SMAD1: variants seen among roughly 807,000 people sequenced by gnomAD.
SMAD1 encodes the protein SMAD family member 1, also known as MAD, mothers against decapentaplegic homolog 1.
In SMAD1, 6 loss-of-function variants were observed where a neutral mutation model predicts 41.6. The observed-to-expected ratio is 0.14, with a 90% CI of 0.08 to 0.28. SMAD1 has a LOEUF of 0.28. Among genes scored for constraint, SMAD1 ranks in the 10% least tolerant of loss-of-function variants. SMAD1 has a pLI of 1.00. For missense variants in SMAD1, 379 were observed against 582.6 expected, an observed-to-expected ratio of 0.65 and a Z score of 3.60; for synonymous variants, 206 against 203.2, an observed-to-expected ratio of 1.01 and a Z score of -0.12.
chr4:145,483,020 A>T (rs968898618), intron 1 of SMAD1: 3 of 152,054 alleles, frequency 2.0e-5, no homozygotes, highest in African/African-American at 7.3e-5. Context: ...GGAGGAACAA[A>T]TGCCTGCCAG....
At chr4:145,488,505 G>A (rs964515155) in intron 1 of SMAD1, among the ~76,000 whole-genome samples, 1 of 130,968 alleles carries the variant, frequency 7.6e-6, no homozygotes, top group Non-Finnish European at 1.7e-5. Flanking sequence ...TGTGTGTGTG[G>A]TTTCTTTGTG....
chr4:145,528,253 G>A (rs1175090417), intron 2 of SMAD1, among the ~76,000 whole-genome samples: 2 of 151,900 alleles, frequency 1.3e-5, no homozygotes, highest in Admixed American at 6.6e-5. Context: ...ACAGGCGCCC[G>A]CCACTACACC....
At chr4:145,555,542 CT>C (rs1456766292) in intron 6 of SMAD1, among the ~76,000 whole-genome samples, 1 of 152,106 alleles carries the variant, frequency 6.6e-6, no homozygotes, top group Admixed American at 6.6e-5. Flanking sequence ...AAGGACCACT[CT>C]AAGAGAATTT....
Position 145,509,885 on chromosome 4 carries a change from G to A in SMAD1, c.-176-4553G>A, listed in dbSNP as rs181387133. Among the ~76,000 whole-genome samples, 285 of 152,288 alleles carry A rather than the reference G, an allele frequency of 1.9e-3. 8 individuals are homozygous for A. The highest frequency in any genetic ancestry group is 0.018 in the Admixed American group (282 of 15,296). On this transcript the variant is annotated intron_variant, in intron 1 of 6. Transcript: ENST00000302085. ...ACCCTGTGGCCTCCCAAATAGAGTT[G>A]ACGCTCCGTATTTGGCTTTCTAAGT...
At chr4:145,489,602 GTTAC>G (rs1560720740) in intron 1 of SMAD1, among the ~76,000 whole-genome samples, 1 of 152,198 alleles carries the variant, frequency 6.6e-6, no homozygotes, top group Non-Finnish European at 1.5e-5. Context: ...TAATAAAGAT[GTTAC>G]TTAAGAATAG....
At chr4:145,497,452 A>G (rs1277350399) in intron 1 of SMAD1, 1 of 152,162 alleles carries the variant, frequency 6.6e-6, no homozygotes. Context: ...CTTCATAACC[A>G]TAAGCTTGAT....
At chr4:145,496,265 A>G (rs1400929267) in intron 1 of SMAD1, among the ~76,000 whole-genome samples, 2 of 152,194 alleles carry the variant, frequency 1.3e-5, no homozygotes, top group African/African-American at 2.4e-5. Context: ...TGCCTTATGC[A>G]TCAAACCAAG....
intron 2 of SMAD1, among the ~76,000 whole-genome samples, chr4:145,528,691 A>C (rs990521634): frequency 1.3e-5 from 2 of 152,244 alleles, no homozygotes; most frequent in South Asian, 2.1e-4. Context: ...AATCATTTAC[A>C]TATCAATCGT....
Position 145,535,805 on chromosome 4 carries a change from T to C in SMAD1, c.401-3999T>C, listed in dbSNP as rs551499017. On this transcript the variant is annotated intron_variant, in intron 2 of 6. Transcript: ENST00000302085. ...GCTTTTTAAATACACACAATAAGAA[T>C]GAGAGAGGGGAACTCCTAAAACTAA... Among the ~76,000 whole-genome samples, 9 of 152,080 alleles carry C rather than the reference T, an allele frequency of 5.9e-5. No individual in the cohort carries two copies. In the South Asian group the frequency reaches 1.9e-3, roughly 32 times the overall value.
intron 2 of SMAD1, among the ~76,000 whole-genome samples, chr4:145,516,457 C>T (rs1730395005): frequency 6.6e-6 from 1 of 152,116 alleles, no homozygotes; most frequent in Non-Finnish European, 1.5e-5. Context: ...TTATTTAGTG[C>T]ACTTTTAAGT....
chr4:145,533,957 T>A (rs548129188), intron 2 of SMAD1, among the ~76,000 whole-genome samples: 2 of 152,318 alleles, frequency 1.3e-5, no homozygotes, highest in South Asian at 4.1e-4. Flanking sequence ...TGACTGTTTT[T>A]GGAGATAGGG....
chr4:145,515,164 G>GTC lies in SMAD1; in HGVS notation c.400+152_400+153insCT, dbSNP rs1730308679. 1.7e-5 allele frequency: 12 copies of GTC among 724,914 alleles called. No individual in the cohort carries two copies. In the Admixed American group the frequency reaches 2.2e-4, roughly 14 times the overall value. The allele number at this position is 724,914 out of a possible 1,614,324, so 44.9% of individuals were successfully genotyped here. Reference sequence around the variant, plus strand: ...TGTGTGTGTGTGTGTGTGTGTGTGTGTGTGTGTGTGTGTCTGTGTGAATGC... The same window carrying GTC: ...TGTGTGTGTGTGTGTGTGTGTGTGTGTCTGTGTGTGTGTGTCTGTGTGAATGC... On this transcript the variant is annotated intron_variant, in intron 2 of 6. Transcript: ENST00000302085.
intron 5 of SMAD1, among the ~76,000 whole-genome samples, chr4:145,548,591 T>C (rs752200011): frequency 6.6e-6 from 1 of 152,148 alleles, no homozygotes; most frequent in Non-Finnish European, 1.5e-5. Flanking sequence ...TCCATACTCA[T>C]AATAAATAGA....
intron 5 of SMAD1, among the ~76,000 whole-genome samples, chr4:145,547,955 T>C (rs1732340151): frequency 6.6e-6 from 1 of 152,148 alleles, no homozygotes; most frequent in Non-Finnish European, 1.5e-5. Flanking sequence ...ACATCTAGTG[T>C]TCAGATCATC....
At chr4:145,544,985 CT>C (rs1212754141) in intron 4 of SMAD1, 2 of 151,438 alleles carry the variant, frequency 1.3e-5, no homozygotes, top group Admixed American at 1.3e-4. Context: ...TTTTTTTTTC[CT>C]TTATAGTTTA....
intron 4 of SMAD1, chr4:145,544,817 T>C (rs1174768432): frequency 6.6e-6 from 1 of 152,208 alleles, no homozygotes; most frequent in African/African-American, 2.4e-5. Context: ...CTGTGGAATT[T>C]ATATTTGGGG....
In SMAD1 at chr4:145,486,709, G is replaced by C. The variant is rs553430897; in HGVS notation, c.-177+4671G>C. Among the ~76,000 whole-genome samples the C allele has an allele frequency of 4.6e-5, 7 of 152,250 alleles. No homozygotes were observed. In the South Asian group the frequency reaches 1.4e-3, roughly 32 times the overall value. On this transcript the variant is annotated intron_variant, in intron 1 of 6. Coordinates refer to ENST00000302085, the MANE Select transcript of SMAD1 (RefSeq NM_005900.3). ...TAAGATTTGTAATTTCCTTTACAGAGAATAGAGATACTTAGTATTAAAAGT... is the reference window on the plus strand; with the variant it reads ...TAAGATTTGTAATTTCCTTTACAGACAATAGAGATACTTAGTATTAAAAGT...
rs865828958 is a variant in SMAD1 at position 145,482,235 on chromosome 4, C to A, written c.-177+197C>A. Among the ~76,000 whole-genome samples the A allele has an allele frequency of 2.0e-5, 3 of 147,358 alleles. No homozygotes were observed. Among genetic ancestry groups the A allele is most frequent in the African/African-American group, 7.7e-5 (3 of 39,198 alleles). Reference sequence around the variant, plus strand: ...GGGGCGGGCCGCGACCCCCCCCCCCCATGATGGCGCCTCCCGTCTGCTCGG... The same window carrying A: ...GGGGCGGGCCGCGACCCCCCCCCCCAATGATGGCGCCTCCCGTCTGCTCGG... On this transcript the variant is annotated intron_variant, in intron 1 of 6. Transcript: ENST00000302085. This position sits in a 1 kb window ranked among gnomAD's most constrained non-coding sequence, Gnocchi z 4.2.
intron 3 of SMAD1, among the ~76,000 whole-genome samples, chr4:145,541,441 G>C (rs1384396995): frequency 1.3e-5 from 2 of 152,218 alleles, no homozygotes; most frequent in Non-Finnish European, 2.9e-5. Flanking sequence ...CTTGGGCTCA[G>C]AGGAGGCTCT....
Sources: gnomAD v4.1 joint callset for allele counts (sites outside exome capture counted in the v4.1 genomes callset) on GRCh38, gnomAD v4.1.1 for gene constraint, Gnocchi (gnomAD v3.1) non-coding constraint, MANE v1.5 for transcripts, NCBI Gene and HGNC (gene_info 2026-07-23, HGNC 2026-07-21) for gene names.